CYP4X1: variants seen among roughly 807,000 people sequenced by gnomAD.
The protein encoded by CYP4X1 is cytochrome P450 family 4 subfamily X member 1, also known as cytochrome P450 4X1.
In CYP4X1, 44 loss-of-function variants were observed where a neutral mutation model predicts 57.9. That is an observed-to-expected ratio of 0.76 (90% confidence interval 0.60 to 0.98). The LOEUF (loss-of-function observed/expected upper bound fraction) is 0.98, where lower values mean the gene tolerates loss of function less well. CYP4X1 is among the 50% of genes least tolerant of loss of function. The pLI is 0.00. For missense variants in CYP4X1, 532 were observed against 623.9 expected (o/e 0.85, Z 1.57); for synonymous variants, 227 against 228.6 (o/e 0.99, Z 0.06).
chr1:46,983,858 G>A, the CYP4X1 span, among the ~76,000 whole-genome samples: 1 of 152,134 alleles, frequency 6.6e-6, no homozygotes, highest in Non-Finnish European at 1.5e-5. Context: ...TGGCTTCACT[G>A]GGGTCCCAGG....
At chr1:46,985,391 T>C in the CYP4X1 span, among the ~76,000 whole-genome samples, 254 of 152,184 alleles carry the variant, frequency 1.7e-3, no homozygotes, top group African/African-American at 5.7e-3. Flanking sequence ...AAAACCCCCA[T>C]CTCCCTGGGA....
At chr1:47,049,362 G>A in intron 10 of CYP4X1, 60 bp from the exon 11 acceptor site, 2 of 1,267,036 alleles carry the variant, frequency 1.6e-6, no homozygotes, top group Non-Finnish European at 2.3e-6. Flanking sequence ...CTAGGTGGTA[G>A]GTGAAGAAAT....
chr1:47,004,937 T>C, the CYP4X1 span, among the ~76,000 whole-genome samples: 1 of 152,082 alleles, frequency 6.6e-6, no homozygotes, highest in Non-Finnish European at 1.5e-5. Flanking sequence ...ATATCACTAG[T>C]GGAATGGGAA....
At chr1:47,013,355 G>A in the CYP4X1 span, among the ~76,000 whole-genome samples, 8 of 152,236 alleles carry the variant, frequency 5.3e-5, no homozygotes, top group South Asian at 2.1e-4. Context: ...AAGTTATTTC[G>A]TTTCTCAGGC....
At chr1:47,032,453 A>G (rs1644135034) in intron 3 of CYP4X1, among the ~76,000 whole-genome samples, 1 of 152,208 alleles carries the variant, frequency 6.6e-6, no homozygotes, top group Non-Finnish European at 1.5e-5. Flanking sequence ...GATTAAATGA[A>G]ATACATATTT....
chr1:46,997,447 C>T, the CYP4X1 span, among the ~76,000 whole-genome samples: 1 of 152,188 alleles, frequency 6.6e-6, no homozygotes, highest in African/African-American at 2.4e-5. Context: ...CTGTTTAGCT[C>T]CCACTTACAA....
chr1:46,986,732 A>G, the CYP4X1 span, among the ~76,000 whole-genome samples: 2 of 152,346 alleles, frequency 1.3e-5, no homozygotes, highest in South Asian at 4.1e-4. Context: ...CCAATATTCA[A>G]CATTCTTAAA....
At chr1:46,996,389 C>A in the CYP4X1 span, among the ~76,000 whole-genome samples, 2 of 152,162 alleles carry the variant, frequency 1.3e-5, no homozygotes, top group African/African-American at 4.8e-5. Flanking sequence ...CATGTTTCTT[C>A]CAGTGTTTCC....
chr1:47,044,827 T>TC (rs1644283529), intron 8 of CYP4X1, among the ~76,000 whole-genome samples: 1 of 151,932 alleles, frequency 6.6e-6, no homozygotes, highest in Admixed American at 6.6e-5. Flanking sequence ...AATTACTCTT[T>TC]TTTTTTTTTT....
intron 8 of CYP4X1, among the ~76,000 whole-genome samples, chr1:47,044,597 G>T (rs1031617673): frequency 4.6e-5 from 7 of 152,012 alleles, no homozygotes; most frequent in African/African-American, 1.7e-4. Flanking sequence ...TGAGATTTTT[G>T]TTTTCAATTT....
At chr1:47,021,142 CAAAA>C (rs546594827), upstream of CYP4X1, among the ~76,000 whole-genome samples, 160 of 47,448 alleles carry the variant, frequency 3.4e-3, 1 homozygote, top group African/African-American at 0.014. Context: ...GCAGGAATGC[CAAAA>C]AAAAAAAAAA....
the CYP4X1 span, among the ~76,000 whole-genome samples, chr1:47,017,344 T>TGAAAACAGG: frequency 6.6e-6 from 1 of 152,178 alleles, no homozygotes; most frequent in African/African-American, 2.4e-5. Context: ...AAATATCAAA[T>TGAAAACAGG]GAGAGGCATA....
chr1:47,019,157 C>T (rs1430448201), upstream of CYP4X1, among the ~76,000 whole-genome samples: 1 of 152,198 alleles, frequency 6.6e-6, no homozygotes, highest in Admixed American at 6.5e-5. Flanking sequence ...TGATTAACTT[C>T]TTTTAATCTA....
rs909624593 is a variant in CYP4X1 at position 47,024,064 on chromosome 1, G to A, written c.177+70G>A. The A allele has an allele frequency of 3.2e-5, 49 of 1,513,138 alleles. 1 individual carries two copies. The Middle Eastern group carries it at 1.6e-3, about 51-fold the overall frequency. 93.7% of individuals were successfully genotyped at this position (1,513,138 alleles called of 1,614,324 possible). A position where few individuals can be genotyped will look rare whatever the true frequency, so the allele number is the denominator to read the frequency against. ...GAGGATGCGGCAGAGGAGCCCAGCC[G>A]GCAGAGAGACGCAGCTTTCTTCCAT... On this transcript the variant is annotated intron_variant, in intron 1 of 11. Transcript: ENST00000371901.
chr1:46,967,237 C>A, the CYP4X1 span, among the ~76,000 whole-genome samples: 1 of 152,136 alleles, frequency 6.6e-6, no homozygotes, highest in Non-Finnish European at 1.5e-5. Flanking sequence ...TCCCTAGAGC[C>A]CCTCAACACC....
At chr1:47,033,512 T>TAC in intron 4 of CYP4X1, 144 bp downstream of exon 4, 9 of 1,027,646 alleles carry the variant, frequency 8.8e-6, no homozygotes, top group African/African-American at 1.6e-5. Context: ...GAACAATAGG[T>TAC]GTCTGTAAAA....
chr1:46,981,012 C>T, the CYP4X1 span, among the ~76,000 whole-genome samples: 4 of 152,100 alleles, frequency 2.6e-5, no homozygotes, highest in East Asian at 5.8e-4. Flanking sequence ...AATATTAGAC[C>T]TAAAACCATA....
the CYP4X1 span, among the ~76,000 whole-genome samples, chr1:46,973,732 C>G: frequency 6.6e-6 from 1 of 152,044 alleles, no homozygotes; most frequent in African/African-American, 2.4e-5. Flanking sequence ...TCATAGTAGT[C>G]TCAGGGTTTT....
At chr1:46,984,169 C>A in the CYP4X1 span, among the ~76,000 whole-genome samples, 2 of 152,058 alleles carry the variant, frequency 1.3e-5, no homozygotes, top group East Asian at 3.9e-4. Context: ...GGTTTGCAAA[C>A]GTCTAAGGCA....
Sources: gnomAD v4.1 joint callset for allele counts (sites outside exome capture counted in the v4.1 genomes callset) on GRCh38, gnomAD v4.1.1 for gene constraint, MANE v1.5 for transcripts, NCBI Gene and HGNC (gene_info 2026-07-23, HGNC 2026-07-21) for gene names.